Variants in USP42 observed in about 807,000 individuals in gnomAD.
USP42 encodes the protein ubiquitin carboxyl-terminal hydrolase 42.
A neutral mutation model predicts 113.0 loss-of-function variants in USP42; 23 were observed. The observed-to-expected ratio is 0.20, with a 90% confidence interval of 0.15 to 0.29. USP42 has a LOEUF of 0.29. Among genes scored for constraint, USP42 ranks in the 10% least tolerant of loss-of-function variants. USP42 has a pLI of 1.00. For missense variants in USP42, 2,174 were observed against 1,779.8 expected, an observed-to-expected ratio of 1.22 and a Z score of -3.99; for synonymous variants, 933 against 699.0, an observed-to-expected ratio of 1.33 and a Z score of -5.28.
chr7:6,133,890 TC>T (rs1250891182), intron 3 of USP42, among the ~76,000 whole-genome samples: 1 of 137,708 alleles, frequency 7.3e-6, no homozygotes, highest in Non-Finnish European at 1.5e-5. Flanking sequence ...TGTTTCTTCT[TC>T]TTTTTTTTTT....
chr7:6,142,478 C>T (rs920335847), intron 7 of USP42, among the ~76,000 whole-genome samples: 16 of 152,186 alleles, frequency 1.1e-4, no homozygotes, highest in Non-Finnish European at 1.8e-4. Context: ...GGCCTCCCAA[C>T]GTGCTGGGAT....
intron 1 of USP42, among the ~76,000 whole-genome samples, chr7:6,106,528 AAGTCTCATTCCT>A (rs1294019781): frequency 6.6e-6 from 1 of 152,202 alleles, no homozygotes; most frequent in African/African-American, 2.4e-5. Context: ...AACACTTGTG[AAGTCTCATTCCT>A]CCACACAGAT....
chr7:6,103,860 C>T (rs1779099299), upstream of USP42, among the ~76,000 whole-genome samples: 1 of 151,074 alleles, frequency 6.6e-6, no homozygotes, highest in Admixed American at 6.6e-5. Flanking sequence ...CTTAGACCTG[C>T]CCGGGCAACA....
At chr7:6,100,811 C>T (rs1022844613), upstream of USP42, among the ~76,000 whole-genome samples, 10 of 149,364 alleles carry the variant, frequency 6.7e-5, no homozygotes, top group East Asian at 1.0e-3. Context: ...GGATTATAGG[C>T]GCGCGCTACC....
chr7:6,138,179 T>A (rs1781249655), intron 4 of USP42, among the ~76,000 whole-genome samples: 1 of 152,250 alleles, frequency 6.6e-6, no homozygotes, highest in Non-Finnish European at 1.5e-5. Flanking sequence ...AACATTTTTA[T>A]ACATTCATAC....
At chr7:6,142,838 T>C in intron 7 of USP42, 94 bp from the exon 8 acceptor site, 2 of 1,161,108 alleles carry the variant, frequency 1.7e-6, no homozygotes, top group Non-Finnish European at 2.5e-6. Context: ...GAGCTGTGAT[T>C]GTGCCACTGC....
intron 14 of USP42, among the ~76,000 whole-genome samples, chr7:6,151,627 GAGACA>G (rs1184570336): frequency 1.3e-5 from 2 of 152,050 alleles, no homozygotes; most frequent in African/African-American, 4.8e-5. Flanking sequence ...ATTTTTAGTA[GAGACA>G]GGGTTTTACC....
At chr7:6,084,049 C>A in the USP42 span, among the ~76,000 whole-genome samples, 1 of 151,028 alleles carries the variant, frequency 6.6e-6, no homozygotes, top group Non-Finnish European at 1.5e-5. Context: ...TGTTTTGAGA[C>A]AGAGTCTCGC....
intron 12 of USP42, among the ~76,000 whole-genome samples, 168 bp from the exon 13 acceptor site, chr7:6,149,415 G>A (rs1053497145): frequency 4.0e-5 from 6 of 151,822 alleles, no homozygotes; most frequent in Admixed American, 2.6e-4. Context: ...GAAAGTATGC[G>A]CGGGTAGGAG....
At chr7:6,126,288 C>CTTTT (rs56398714) in intron 3 of USP42, among the ~76,000 whole-genome samples, 3 of 142,794 alleles carry the variant, frequency 2.1e-5, no homozygotes, top group Admixed American at 7.0e-5. Context: ...GCCACAGTTT[C>CTTTT]TTTTTTTTTT....
Position 6,159,932 on chromosome 7 carries a change from G to A in USP42, c.*36+439G>A, listed in dbSNP as rs1457512023. Among the ~76,000 whole-genome samples, 1 of 152,256 alleles carries A rather than the reference G, an allele frequency of 6.6e-6. No individual in the cohort carries two copies. The highest frequency in any genetic ancestry group is 1.5e-5 in the Non-Finnish European group (1 of 68,050). ...GTGCTGCTGTCTGCGCCCCGAGGTG[G>A]CACTGAGCTGGAGCCAGCACCCCCC... On this transcript the variant is annotated intron_variant, in intron 17 of 17. Coordinates refer to ENST00000306177, the MANE Select transcript of USP42 (RefSeq NM_032172.3). The surrounding 1 kb of genome is among the most constrained non-coding windows in gnomAD (Gnocchi z 4.1).
intron 1 of USP42, among the ~76,000 whole-genome samples, chr7:6,107,375 C>G (rs1486984038): frequency 6.7e-6 from 1 of 148,620 alleles, no homozygotes. Context: ...TCTTATATTT[C>G]TTACAACTCT....
Position 6,145,501 on chromosome 7 carries a change from T to A in USP42, c.991-15T>A, listed in dbSNP as rs754532431. On this transcript the variant is annotated splice_polypyrimidine_tract_variant and intron_variant, in intron 9 of 17. Transcript: ENST00000306177. ...TGCCCTCGGAAATGTTTCTCCTGTTTCCATTTCCTTCTAGGATGTGAAATA... is the reference window on the plus strand; with the variant it reads ...TGCCCTCGGAAATGTTTCTCCTGTTACCATTTCCTTCTAGGATGTGAAATA... 19 of 1,613,856 alleles carry A rather than the reference T, an allele frequency of 1.2e-5. No homozygotes were observed. In the African/African-American group the frequency reaches 1.7e-4, roughly 15 times the overall value.
At chr7:6,135,765 CCT>C (rs1781107723) in intron 3 of USP42, 74 bp from the exon 4 acceptor site, 4 of 697,998 alleles carry the variant, frequency 5.7e-6, no homozygotes. Flanking sequence ...GGTGTGTGCC[CCT>C]GATTTGTAAT....
chr7:6,135,670 A>AAC lies in USP42; in HGVS notation c.443-170_443-169insCA, dbSNP rs1339078086. ...CCATCTCAAAAAAAAAAAAAAAAAAAAAAAAAAGAACAAAAAAAAGTAAAT... is the reference window on the plus strand; with the variant it reads ...CCATCTCAAAAAAAAAAAAAAAAAAAACAAAAAAAGAACAAAAAAAAGTAAAT... On this transcript the variant is annotated intron_variant, in intron 3 of 17. Transcript: ENST00000306177. Among the ~76,000 whole-genome samples the AAC allele has an allele frequency of 4.6e-4, 67 of 147,162 alleles. 2 individuals carry two copies. The highest frequency in any genetic ancestry group is 1.6e-3 in the African/African-American group (65 of 40,964).
chr7:6,146,363 T>G, intron 11 of USP42, 115 bp downstream of exon 11: 1 of 726,670 alleles, frequency 1.4e-6, no homozygotes, highest in Non-Finnish European at 2.2e-6. Context: ...CCCAGCAGCT[T>G]AAAGATCAAC....
rs761234740 is a variant in USP42 at position 6,149,930 on chromosome 7, A to T, written c.1734A>T (p.Val578=). 1 of 1,614,040 alleles carries T rather than the reference A, an allele frequency of 6.2e-7. No homozygotes were observed. The highest frequency in any genetic ancestry group is 8.5e-7 in the Non-Finnish European group (1 of 1,179,894). Residue 578 remains valine, a synonymous_variant, in exon 13 of 18, where the codon GTA becomes GTT. Transcript: ENST00000306177. ...CTACGATGTCAGTTTCTAGTAAAGT[A>T]ACAAAACCGATCCCCCGCAGTGAAT... ...NASTMSVSSK[V]TKPIPRSESC...
rs550140129 is a variant in USP42, at chr7:6,139,378, C to T, written c.656+184C>T. 16 of 485,686 alleles carry T rather than the reference C, an allele frequency of 3.3e-5. No homozygotes were observed. Among genetic ancestry groups the T allele is most frequent in the African/African-American group, 1.8e-4 (9 of 49,872 alleles). 30.1% of individuals were successfully genotyped at this position (485,686 alleles called of 1,614,324 possible). Reference sequence around the variant, plus strand: ...TATTTTAAAATGGTTGAAATTTACACGTGTGTCTTACGTAACAGTTTGAGT... The same window carrying T: ...TATTTTAAAATGGTTGAAATTTACATGTGTGTCTTACGTAACAGTTTGAGT... On this transcript the variant is annotated intron_variant, in intron 5 of 17. Transcript: ENST00000306177. This position sits in a 1 kb window ranked among gnomAD's most constrained non-coding sequence, Gnocchi z 4.5.
Position 6,154,357 on chromosome 7 carries a change from C to A in USP42, c.2803C>A (p.Pro935Thr). 1.3e-6 allele frequency: 2 copies of A among 1,573,976 alleles called. No homozygotes were observed. Among genetic ancestry groups the A allele is most frequent in the Non-Finnish European group, 1.7e-6 (2 of 1,161,242 alleles). The change falls in exon 15 of 18, where the codon CCT becomes ACT. Residue 935 changes from proline to threonine, a missense_variant. By Grantham distance (38) the Pro-to-Thr change is conservative. Transcript: ENST00000306177. ...CGCCGCGGCGCCGAAAGCCCCAGGC[C>A]CTTCCCCAGCGAAGGAGAAAATCGG... ...EDAAAPKAPG[P>T]SPAKEKIGSL...
Sources: allele counts gnomAD v4.1 joint callset (sites outside exome capture counted in the v4.1 genomes callset), GRCh38; gene constraint gnomAD v4.1.1; non-coding constraint Gnocchi (gnomAD v3.1); transcripts MANE v1.5; gene names NCBI Gene and HGNC (gene_info 2026-07-23, HGNC 2026-07-21).